The following CTU2 variants were observed in gnomAD, a reference collection of about 807,000 sequenced individuals.
CTU2 encodes the protein cytoplasmic tRNA 2-thiolation protein 2.
In CTU2, 80 loss-of-function variants were observed where a neutral mutation model predicts 64.1. The observed-to-expected ratio is 1.25, with a 90% CI of 1.04 to 1.50. The LOEUF (loss-of-function observed/expected upper bound fraction) is 1.50. Ranked by LOEUF, CTU2 falls within the 40% of genes most tolerant of loss-of-function variation. The pLI is 0.00. For missense variants in CTU2, 1,110 were observed against 690.2 expected (o/e 1.61, Z -6.81); for synonymous variants, 482 against 285.3 (o/e 1.69, Z -6.95).
In CTU2 at chr16:88,715,183, G is replaced by A. The variant is rs187074984; in HGVS notation, c.1480G>A (p.Ala494Thr). 17 of 1,612,282 alleles carry A rather than the reference G, an allele frequency of 1.1e-5. No individual in the cohort carries two copies. In the African/African-American group the frequency reaches 1.1e-4, roughly 10 times the overall value. ...TGCCCACTGCAGCTTTCTCTCTAGG[G>A]CCTGGGGCTTGCAGGAGATCCGGGA... ...LAEAQLRTQR[A>T]WGLQEIRDCL... The change falls in exon 15 of 15, where the codon GCC (alanine) becomes ACC (threonine). Residue 494 changes from alanine (A) to threonine (T), a missense_variant and splice_region_variant. Ala to Thr is a moderately conservative substitution (Grantham distance 58). Transcript: ENST00000453996.
At position 88,715,271 on chromosome 16, in the gene CTU2, G is replaced by A. The variant is rs375672974; in HGVS notation, c.*20G>A. The A allele has an allele frequency of 2.4e-5, 38 of 1,607,690 alleles. No homozygotes were observed. Among genetic ancestry groups the A allele is most frequent in the East Asian group, 1.6e-4 (7 of 44,818 alleles). On this transcript the variant is annotated 3_prime_UTR_variant, in exon 15 of 15. Transcript: ENST00000453996. The stretch of plus-strand genomic sequence containing the variant: ...AGCTGAGCGTGAGGACGTGCTTGCC[G>A]GGACAGCAGGCAGTGGCCACCTGGT...
intron 9 of CTU2, 101 bp from the exon 10 acceptor site, chr16:88,714,035 G>T (rs969232228): frequency 1.6e-6 from 2 of 1,224,770 alleles, no homozygotes; most frequent in South Asian, 1.3e-5. Context: ...GACCCATGTG[G>T]GCCAGCAGCG....
At position 88,714,484 on chromosome 16, in the gene CTU2, C is replaced by G; in HGVS notation, c.1199C>G (p.Ala400Gly). 6.2e-7 allele frequency: 1 copy of G among 1,612,670 alleles called. No homozygotes were observed. The highest frequency in any genetic ancestry group is 1.3e-5 in the African/African-American group (1 of 75,050). The part of the protein sequence containing the change: ...LCMCALDVDA[A>G]DSATAFGAQT... ...ATGTGTGCCCTGGACGTCGACGCCG[C>G]TGGTCTGTGTTTCATGCTCTTGGGG... The change falls in exon 11 of 15, where the codon GCT becomes GGT. Residue 400 changes from alanine (A) to glycine (G), a missense_variant and splice_region_variant. Coordinates refer to ENST00000453996, the MANE Select transcript of CTU2 (RefSeq NM_001012759.3).
rs1911895232 is a variant in CTU2, at chr16:88,715,318, G to A, written c.*67G>A. On this transcript the variant is annotated 3_prime_UTR_variant, in exon 15 of 15. Coordinates refer to ENST00000453996, the MANE Select transcript of CTU2 (RefSeq NM_001012759.3). ...TGGTACACCACACTGGAGCCGGAAG[G>A]CAAGGACGGGGGACTGGCCTCTGAT... is the stretch of plus-strand genomic sequence containing the variant. 14 of 1,519,806 alleles carry A rather than the reference G, an allele frequency of 9.2e-6. No individual in the cohort carries two copies. Among genetic ancestry groups the A allele is most frequent in the Admixed American group, 3.7e-5 (2 of 54,426 alleles). 94.1% of individuals were successfully genotyped at this position (1,519,806 alleles called of 1,614,324 possible).
chr16:88,714,022 C>T lies in CTU2; in HGVS notation c.1006-114C>T, dbSNP rs917856975. ...GCTGCCTTGAGCAGTCGCAGCAAAG[C>T]CAGACCCATGTGGGCCAGCAGCGTG... On this transcript the variant is annotated intron_variant, in intron 9 of 14. Transcript: ENST00000453996. 2.2e-5 allele frequency: 25 copies of T among 1,160,652 alleles called. No homozygotes were observed. In the African/African-American group the frequency reaches 2.4e-4, roughly 11 times the overall value. The allele number at this position is 1,160,652 out of a possible 1,614,324, so 71.9% of individuals were successfully genotyped here. A position where few individuals can be genotyped will look rare whatever the true frequency, so the allele number is the denominator to read the frequency against.
At chr16:88,715,007 T>G (rs1326359108) in intron 13 of CTU2, 41 bp from the exon 14 acceptor site, 1 of 1,591,586 alleles carries the variant, frequency 6.3e-7, no homozygotes, top group Non-Finnish European at 8.6e-7. Context: ...GAGGGGGTGC[T>G]GGCAGGTTTC....
At chr16:88,712,066 A>T (rs1416536592) in intron 5 of CTU2, 1 of 688,442 alleles carries the variant, frequency 1.5e-6, no homozygotes, top group Non-Finnish European at 2.7e-6. Flanking sequence ...TGCAGAACGA[A>T]CTCCTGGGGT....
chr16:88,711,923 C>G (rs147959920), intron 5 of CTU2: 20 of 604,494 alleles, frequency 3.3e-5, no homozygotes, highest in Middle Eastern at 3.5e-4. Flanking sequence ...CTAAGAACAT[C>G]CTTAGAAAGT....
rs1061247 is a variant in CTU2, at chr16:88,715,383, A to C, written c.*132A>C. 156,250 of 1,120,594 alleles carry C rather than the reference A, an allele frequency of 0.14. 12,372 individuals carry two copies. Among genetic ancestry groups the C allele is most frequent in the African/African-American group, 0.21 (13,333 of 63,520 alleles). The allele number at this position is 1,120,594 out of a possible 1,614,324, so 69.4% of individuals were successfully genotyped here. On this transcript the variant is annotated 3_prime_UTR_variant, in exon 15 of 15. Coordinates refer to ENST00000453996, the MANE Select transcript of CTU2 (RefSeq NM_001012759.3). ...AATAAAACATTTTTTAATTAAAAAA[A>C]AAACTCTACAGTACACGTGGGGGAC...
rs376136813 is a variant in CTU2, at chr16:88,712,849, A to G, written c.681A>G (p.Gln227=). 14 of 1,581,268 alleles carry G rather than the reference A, an allele frequency of 8.9e-6. No individual in the cohort carries two copies. The African/African-American group carries it at 1.1e-4, about 12-fold the overall frequency. Reference sequence around the variant, plus strand: ...CTGCCCAGACTGAGGCTCTTTCCCAACTGTTCTGCTCAGTGAGGACACTGA... The same window carrying G: ...CTGCCCAGACTGAGGCTCTTTCCCAGCTGTTCTGCTCAGTGAGGACACTGA... ...PAPAQTEALS[Q]LFCSVRTLTA... Residue 227 remains glutamine (Q), a synonymous_variant, in exon 7 of 15, where the codon CAA becomes CAG. Coordinates refer to ENST00000453996, the MANE Select transcript of CTU2 (RefSeq NM_001012759.3).
In CTU2 at chr16:88,715,211, G is replaced by C. The variant is rs1016904382; in HGVS notation, c.1508G>C (p.Cys503Ser). The C allele has an allele frequency of 4.3e-6, 7 of 1,612,350 alleles. No homozygotes were observed. The highest frequency in any genetic ancestry group is 5.9e-6 in the Non-Finnish European group (7 of 1,179,900). The change falls in exon 15 of 15, where the codon TGT (cysteine) becomes TCT (serine). Residue 503 changes from cysteine (C) to serine (S), a missense_variant. Transcript: ENST00000453996. Reference sequence around the variant, plus strand: ...TGGGGCTTGCAGGAGATCCGGGACTGTCTGATTGAGGACAGTGACGACGAG... The same window carrying C: ...TGGGGCTTGCAGGAGATCCGGGACTCTCTGATTGAGGACAGTGACGACGAG... ...RAWGLQEIRD[C>S]LIEDSDDEAG...
chr16:88,713,283 C>CACT (rs757661440), intron 7 of CTU2, 29 bp from the exon 8 acceptor site: 1 of 1,560,114 alleles, frequency 6.4e-7, no homozygotes, highest in Non-Finnish European at 8.7e-7. Context: ...CCTGCACCCC[C>CACT]CAGGCCCCTG....
intron 11 of CTU2, 45 bp downstream of exon 11, chr16:88,714,531 G>A (rs371991422): frequency 1.5e-4 from 234 of 1,612,538 alleles, no homozygotes; most frequent in Middle Eastern, 1.2e-3. Context: ...GGGAGCCAGG[G>A]AGTGGGTGTG....
At chr16:88,706,978 A>C in intron 1 of CTU2, 158 bp from the exon 2 acceptor site, 1 of 699,684 alleles carries the variant, frequency 1.4e-6, no homozygotes, top group Admixed American at 2.5e-5. Context: ...TTTTTCTTGA[A>C]GTTTGGACAG....
intron 4 of CTU2, among the ~76,000 whole-genome samples, chr16:88,711,317 G>C (rs1275137209): frequency 6.6e-6 from 1 of 152,090 alleles, no homozygotes; most frequent in Non-Finnish European, 1.5e-5. Flanking sequence ...GTGTGGGATG[G>C]TGGCACAGTG....
chr16:88,710,834 C>T (rs8052560), intron 4 of CTU2: 2 of 156,186 alleles, frequency 1.3e-5, no homozygotes, highest in Non-Finnish European at 2.8e-5. Flanking sequence ...GAGGTGGAGG[C>T]GGCGGCCCGC....
intron 11 of CTU2, 30 bp downstream of exon 11, chr16:88,714,516 G>GA: frequency 6.2e-7 from 1 of 1,612,406 alleles, no homozygotes; most frequent in Non-Finnish European, 8.5e-7. Flanking sequence ...GGGGTGATGC[G>GA]GGGAGGGAGC....
At chr16:88,708,902 G>T (rs758764754) in intron 2 of CTU2, 3 of 152,194 alleles carry the variant, frequency 2.0e-5, no homozygotes, top group Non-Finnish European at 2.9e-5. Flanking sequence ...TAATTGGTTT[G>T]TGCAATTCTA....
At chr16:88,708,147 C>G (rs1911047831) in intron 2 of CTU2, among the ~76,000 whole-genome samples, 1 of 152,204 alleles carries the variant, frequency 6.6e-6, no homozygotes, top group South Asian at 2.1e-4. Context: ...CCAGGAGCAT[C>G]TGAAATTGCC....
Sources: gnomAD v4.1 joint callset for allele counts (sites outside exome capture counted in the v4.1 genomes callset) on GRCh38, gnomAD v4.1.1 for gene constraint, MANE v1.5 for transcripts, NCBI Gene and HGNC (gene_info 2026-07-23, HGNC 2026-07-21) for gene names.